Variants in LCLAT1 observed in about 807,000 individuals in gnomAD.
LCLAT1 encodes lysocardiolipin acyltransferase 1, also known as 1-AGP acyltransferase 8.
A neutral mutation model predicts 30.7 loss-of-function variants in LCLAT1; 11 were observed. The observed-to-expected ratio is 0.36, with a 90% CI of 0.23 to 0.59. The LOEUF is 0.59. LCLAT1 is among the 20% of genes least tolerant of loss of function. The pLI, the probability that LCLAT1 is intolerant of heterozygous loss-of-function variation, is 0.77. For synonymous variants in LCLAT1, 155 were observed against 151.3 expected (o/e 1.02, Z -0.18); for missense variants, 402 against 458.6 (o/e 0.88, Z 1.13).
intron 3 of LCLAT1, among the ~76,000 whole-genome samples, chr2:30,555,443 C>A (rs866651044): frequency 1.8e-4 from 28 of 152,234 alleles, no homozygotes; most frequent in African/African-American, 6.7e-4. Context: ...ATAAATGTTT[C>A]TGTCAAGTTT....
chr2:30,477,948 A>C (rs1231723745), intron 1 of LCLAT1, among the ~76,000 whole-genome samples: 1 of 151,980 alleles, frequency 6.6e-6, no homozygotes, highest in Non-Finnish European at 1.5e-5. Flanking sequence ...CCCCCCTGAA[A>C]GTTTTTCTAG....
intron 2 of LCLAT1, among the ~76,000 whole-genome samples, chr2:30,526,449 T>C (rs1017730103): frequency 2.0e-5 from 3 of 152,204 alleles, no homozygotes; most frequent in Admixed American, 1.3e-4. Flanking sequence ...CTGTAAGTTC[T>C]GGAATTTATT....
intron 5 of LCLAT1, among the ~76,000 whole-genome samples, chr2:30,577,393 C>T (rs1417224389): frequency 3.9e-5 from 6 of 152,004 alleles, no homozygotes; most frequent in East Asian, 1.9e-4. Flanking sequence ...GTATTGCATT[C>T]GGCCACATGG....
chr2:30,594,410 G>GTATC (rs1390986652), intron 5 of LCLAT1, among the ~76,000 whole-genome samples: 11 of 152,136 alleles, frequency 7.2e-5, no homozygotes, highest in African/African-American at 2.7e-4. Context: ...CCTTTATCAA[G>GTATC]TATCTGCTTC....
intron 5 of LCLAT1, among the ~76,000 whole-genome samples, chr2:30,634,978 T>G (rs1176238179): frequency 6.6e-6 from 1 of 152,214 alleles, no homozygotes; most frequent in Non-Finnish European, 1.5e-5. Flanking sequence ...CAGAAGGTCT[T>G]GATAGGATAT....
In LCLAT1 at chr2:30,559,650, T is replaced by C. The variant is rs1419334017; in HGVS notation, c.365-2496T>C. ...TTAATTTTTGGCTTTGTCAGCCAAA[T>C]TCTCACACACCCTCATGCTATTGAA... On this transcript the variant is annotated intron_variant, in intron 3 of 5. Transcript: ENST00000379509. Among the ~76,000 whole-genome samples the C allele has an allele frequency of 2.6e-5, 4 of 152,344 alleles. No homozygotes were observed. In the East Asian group the frequency reaches 5.8e-4, roughly 22 times the overall value.
chr2:30,468,534 A>G (rs1682598324), intron 1 of LCLAT1, among the ~76,000 whole-genome samples: 1 of 151,288 alleles, frequency 6.6e-6, no homozygotes, highest in Admixed American at 6.6e-5. Flanking sequence ...TTTTTTTTTA[A>G]TTGAGGTGAA....
At position 30,640,964 on chromosome 2, in the gene LCLAT1, A is replaced by T. The variant is rs570280096; in HGVS notation, c.*345A>T. The T allele has an allele frequency of 9.6e-5, 24 of 249,464 alleles. No individual in the cohort carries two copies. The highest frequency in any genetic ancestry group is 4.8e-4 in the Admixed American group (9 of 18,744). 15.5% of individuals were successfully genotyped at this position (249,464 alleles called of 1,614,324 possible). A position where few individuals can be genotyped will look rare whatever the true frequency, so the allele number is the denominator to read the frequency against. ...CTCCCCGTACCAGAGGCAGATCTGG[A>T]ACTCGTCAACAACAGCCCGGATCAC... On this transcript the variant is annotated 3_prime_UTR_variant, in exon 6 of 6. Transcript: ENST00000379509.
chr2:30,448,284 G>C (rs1448317960), intron 1 of LCLAT1, among the ~76,000 whole-genome samples: 1 of 152,170 alleles, frequency 6.6e-6, no homozygotes, highest in African/African-American at 2.4e-5. Context: ...TCAAAGAAAC[G>C]TCATCTCATG....
chr2:30,549,503 C>A (rs1664585190), intron 3 of LCLAT1, among the ~76,000 whole-genome samples: 1 of 152,096 alleles, frequency 6.6e-6, no homozygotes, highest in Non-Finnish European at 1.5e-5. Context: ...TTGGAGGGAG[C>A]TTTAGGGTTT....
At chr2:30,627,249 C>T (rs1474750160) in intron 5 of LCLAT1, among the ~76,000 whole-genome samples, 1 of 152,202 alleles carries the variant, frequency 6.6e-6, no homozygotes, top group East Asian at 1.9e-4. Flanking sequence ...GTCCCTCCCC[C>T]AGTTCCCCAT....
intron 1 of LCLAT1, among the ~76,000 whole-genome samples, chr2:30,504,210 CAT>C (rs565571241): frequency 1.6e-3 from 245 of 152,112 alleles, no homozygotes; most frequent in African/African-American, 5.6e-3. Flanking sequence ...TATTACATAA[CAT>C]AACATATATT....
At chr2:30,551,350 A>G (rs1172730518) in intron 3 of LCLAT1, among the ~76,000 whole-genome samples, 1 of 152,090 alleles carries the variant, frequency 6.6e-6, no homozygotes, top group Non-Finnish European at 1.5e-5. Flanking sequence ...TTGACATACT[A>G]CCATCTTTTT....
intron 1 of LCLAT1, among the ~76,000 whole-genome samples, chr2:30,502,762 C>G (rs1019379976): frequency 6.6e-6 from 1 of 151,964 alleles, no homozygotes; most frequent in Admixed American, 6.6e-5. Flanking sequence ...TTTGTTTATC[C>G]GTTCAACAAG....
At position 30,502,241 on chromosome 2, in the gene LCLAT1, A is replaced by G. The variant is rs77902437; in HGVS notation, c.-4-23346A>G. 5.1e-3 allele frequency among the ~76,000 whole-genome samples: 771 copies of G among 152,176 alleles called. 6 individuals are homozygous for G. Among genetic ancestry groups the G allele is most frequent in the African/African-American group, 0.018 (734 of 41,522 alleles). The stretch of plus-strand genomic sequence containing the variant: ...TTTGCTTGTGTTTGTTCTTGTTTCT[A>G]ATTTGTAAGGTGATAGGTATTCTTA... On this transcript the variant is annotated intron_variant, in intron 1 of 5. Transcript: ENST00000379509.
chr2:30,596,682 A>G (rs907051506), intron 5 of LCLAT1, among the ~76,000 whole-genome samples: 4 of 150,760 alleles, frequency 2.7e-5, no homozygotes, highest in Admixed American at 6.6e-5. Context: ...TTTGGTTGCA[A>G]TTGCTTTTGT....
intron 3 of LCLAT1, among the ~76,000 whole-genome samples, chr2:30,534,258 TG>T (rs1261115941): frequency 2.7e-5 from 4 of 150,468 alleles, no homozygotes; most frequent in African/African-American, 9.8e-5. Flanking sequence ...TGTGTGTGTG[TG>T]TGTGTGTGTG....
At chr2:30,639,006 G>T (rs1669172513) in intron 5 of LCLAT1, among the ~76,000 whole-genome samples, 1 of 152,148 alleles carries the variant, frequency 6.6e-6, no homozygotes, top group Non-Finnish European at 1.5e-5. Context: ...ACTGCCCGCA[G>T]AGAGTAATCT....
chr2:30,619,063 A>C (rs189183693), intron 5 of LCLAT1, among the ~76,000 whole-genome samples: 1 of 152,296 alleles, frequency 6.6e-6, no homozygotes, highest in East Asian at 1.9e-4. Flanking sequence ...GAAGACCAAG[A>C]ATAGTACACC....
Sources: gnomAD v4.1 joint callset for allele counts (sites outside exome capture counted in the v4.1 genomes callset) on GRCh38, gnomAD v4.1.1 for gene constraint, MANE v1.5 for transcripts, NCBI Gene and HGNC (gene_info 2026-07-23, HGNC 2026-07-21) for gene names.